Variants in MICAL1 observed in about 807,000 individuals in gnomAD.
The protein encoded by MICAL1 is [F-actin]-monooxygenase MICAL1.
In MICAL1, 95 loss-of-function variants were observed where a neutral mutation model predicts 131.8. The observed-to-expected ratio is 0.72, with a 90% CI of 0.61 to 0.86. The LOEUF is 0.86. MICAL1 is among the 40% of genes least tolerant of loss of function. The pLI is 0.00. For missense variants in MICAL1, 1,292 were observed against 1,380.6 expected (o/e 0.94, Z 1.02); for synonymous variants, 546 against 554.2 (o/e 0.99, Z 0.21).
At chr6:109,446,545 C>G (rs1317063561) in intron 18 of MICAL1, 133 bp from the exon 19 acceptor site, 6 of 1,381,760 alleles carry the variant, frequency 4.3e-6, no homozygotes, top group Non-Finnish European at 5.1e-6. Context: ...CTTGAGAGAA[C>G]AAGAAGTGTA....
At chr6:109,456,480 A>G (rs1775754243), upstream of MICAL1, among the ~76,000 whole-genome samples, 1 of 152,198 alleles carries the variant, frequency 6.6e-6, no homozygotes, top group African/African-American at 2.4e-5. Flanking sequence ...TGCAGCTTCC[A>G]AATGGATATG....
At chr6:109,448,689 A>G (rs368065315) in intron 12 of MICAL1, 43 bp downstream of exon 12, 5 of 1,611,372 alleles carry the variant, frequency 3.1e-6, no homozygotes, top group Non-Finnish European at 3.4e-6. Context: ...GCTAACTCCT[A>G]CACTGAGATC....
chr6:109,444,092 G>A lies in MICAL1; in HGVS notation c.*99C>T. ...GGCAGAAACATTTTAATTGTAAACAGCAAGGCTCTCTGCCAGGCAGCCCAG... is the reference window on the plus strand; with the variant it reads ...GGCAGAAACATTTTAATTGTAAACAACAAGGCTCTCTGCCAGGCAGCCCAG... On this transcript the variant is annotated 3_prime_UTR_variant, in exon 25 of 25. Coordinates refer to ENST00000358807, the MANE Select transcript of MICAL1 (RefSeq NM_022765.4). 1 of 1,515,614 alleles carries A rather than the reference G, an allele frequency of 6.6e-7. No individual in the cohort carries two copies. The highest frequency in any genetic ancestry group is 8.8e-7 in the Non-Finnish European group (1 of 1,135,288). The allele number at this position is 1,515,614 out of a possible 1,614,324, so 93.9% of individuals were successfully genotyped here. A position where few individuals can be genotyped will look rare whatever the true frequency, so the allele number is the denominator to read the frequency against.
In MICAL1 at chr6:109,449,461, C is replaced by A. The variant is rs1306560065; in HGVS notation, c.1455G>T (p.Val485=). Residue 485 remains valine (V), a synonymous_variant, in exon 11 of 25, where the codon GTG becomes GTT. Transcript: ENST00000358807. ...TPNQVRDLYD[V]LAKEPVQRNN... is the part of the protein sequence containing the mutation. Reference sequence around the variant, plus strand: ...TCCTCTGCACAGGCTCCTTGGCTAGCACATCATACAGGTCTCGTACCTAAG... The same window carrying A: ...TCCTCTGCACAGGCTCCTTGGCTAGAACATCATACAGGTCTCGTACCTAAG... 1 of 1,614,194 alleles carries A rather than the reference C, an allele frequency of 6.2e-7. No homozygotes were observed. The highest frequency in any genetic ancestry group is 1.7e-5 in the Admixed American group (1 of 60,024).
upstream of MICAL1, among the ~76,000 whole-genome samples, chr6:109,458,596 A>C (rs1347005842): frequency 6.6e-6 from 1 of 151,784 alleles, no homozygotes; most frequent in Non-Finnish European, 1.5e-5. Context: ...AACTCCGTCC[A>C]AAAAAAGAAA....
chr6:109,446,675 A>G (rs775466311), intron 18 of MICAL1, 21 bp downstream of exon 18: 2 of 1,610,664 alleles, frequency 1.2e-6, no homozygotes, highest in Non-Finnish European at 8.5e-7. Flanking sequence ...CCCAATATAC[A>G]TACACGCCTT....
upstream of MICAL1, among the ~76,000 whole-genome samples, chr6:109,459,412 A>G (rs1207856476): frequency 6.6e-6 from 1 of 152,098 alleles, no homozygotes; most frequent in Non-Finnish European, 1.5e-5. Flanking sequence ...AAGTGGATGG[A>G]GTCAAAAGAT....
At chr6:109,456,104 C>G, upstream of MICAL1, 1 of 831,220 alleles carries the variant, frequency 1.2e-6, no homozygotes, top group Non-Finnish European at 1.5e-6. Flanking sequence ...AGGGTCAGGG[C>G]GCCCAGTGCT....
chr6:109,448,802 C>CG lies in MICAL1; in HGVS notation c.1593dup (p.Asp532ArgfsTer8). ...CCATCAGCCCAGGAGGAAGACAAAT[C>CG]GGAGACGTGGACTCCCGGGTACCCA... On this transcript the variant is annotated frameshift_variant, in exon 12 of 25. Coordinates refer to ENST00000358807, the MANE Select transcript of MICAL1 (RefSeq NM_022765.4). LOFTEE classifies it high-confidence loss of function. The CG allele has an allele frequency of 6.2e-7, 1 of 1,614,068 alleles. No homozygotes were observed. Among genetic ancestry groups the CG allele is most frequent in the African/African-American group, 1.3e-5 (1 of 75,024 alleles).
chr6:109,453,981 G>A lies in MICAL1; in HGVS notation c.216C>T (p.Gly72=). Residue 72 remains glycine (G), a synonymous_variant, in exon 2 of 25, where the codon GGC becomes GGT. Coordinates refer to ENST00000358807, the MANE Select transcript of MICAL1 (RefSeq NM_022765.4). ...CCCGGCCCTGCTGGTAGACAGGCTG[G>A]CCTGCTCGCTTGTCCAGCTTGGTCC... ...SLWTKLDKRA[G]QPVYQQGRAC... is the part of the protein sequence containing the mutation. The A allele has an allele frequency of 6.2e-7, 1 of 1,614,044 alleles. No individual in the cohort carries two copies. The highest frequency in any genetic ancestry group is 1.1e-5 in the South Asian group (1 of 91,084).
In MICAL1 at chr6:109,444,840, G is replaced by C. The variant is rs376029458; in HGVS notation, c.2982-42C>G. 1.9e-6 allele frequency: 3 copies of C among 1,613,920 alleles called. No individual in the cohort carries two copies. In the African/African-American group the frequency reaches 4.0e-5, roughly 22 times the overall value. The stretch of plus-strand genomic sequence containing the variant: ...TTGTAGAAGCAGAGCTGTCTAAGGT[G>C]CCCAAGGGGCTGGAGCCTGGCCCAT... On this transcript the variant is annotated intron_variant, in intron 23 of 24. Transcript: ENST00000358807.
chr6:109,447,272 C>A, intron 16 of MICAL1, 43 bp from the exon 17 acceptor site: 1 of 1,613,918 alleles, frequency 6.2e-7, no homozygotes, highest in Non-Finnish European at 8.5e-7. Flanking sequence ...GAGCCAAGGC[C>A]AGCTCCAAAG....
Position 109,452,628 on chromosome 6 carries a change from G to C in MICAL1, c.572-13C>G. ...CGCCAGCCACTCCCTAGGGCAGGGG[G>C]TATGAGAGGCACAAAGGTGTAGAAG... On this transcript the variant is annotated splice_polypyrimidine_tract_variant and intron_variant, in intron 4 of 24. Coordinates refer to ENST00000358807, the MANE Select transcript of MICAL1 (RefSeq NM_022765.4). 2 of 1,606,170 alleles carry C rather than the reference G, an allele frequency of 1.2e-6. No individual in the cohort carries two copies. The highest frequency in any genetic ancestry group is 1.7e-6 in the Non-Finnish European group (2 of 1,175,190).
intron 9 of MICAL1, 93 bp from the exon 10 acceptor site, chr6:109,449,876 A>G (rs1775459904): frequency 5.7e-6 from 9 of 1,585,256 alleles, no homozygotes; most frequent in Non-Finnish European, 7.7e-6. Flanking sequence ...TCTTCTGCCT[A>G]TTCCTCCGTC....
In MICAL1 at chr6:109,448,359, C is replaced by T; in HGVS notation, c.1699G>A (p.Glu567Lys). 6.2e-7 allele frequency: 1 copy of T among 1,613,904 alleles called. No individual in the cohort carries two copies. Among genetic ancestry groups the T allele is most frequent in the Non-Finnish European group, 8.5e-7 (1 of 1,180,006 alleles). Residue 567 changes from glutamate (E) to lysine (K), a missense_variant, in exon 13 of 25, where the codon GAA becomes AAA. Coordinates refer to ENST00000358807, the MANE Select transcript of MICAL1 (RefSeq NM_022765.4). ...PSELQGLGAL[E>K]ATAWALKVAE... is the part of the protein sequence containing the mutation. ...ACCTTTAGTGCCCAAGCAGTTGCTT[C>T]CAGAGCTCCCAGCCCCTGCAGCTCT...
chr6:109,460,391 T>C (rs922773751), upstream of MICAL1, among the ~76,000 whole-genome samples: 2 of 143,530 alleles, frequency 1.4e-5, no homozygotes, highest in African/African-American at 5.3e-5. Flanking sequence ...ATCATGCCAC[T>C]GCACTTCAGC....
Position 109,455,686 on chromosome 6 carries a change from G to A in MICAL1, c.-44+33C>T. On this transcript the variant is annotated intron_variant, in intron 1 of 24. Transcript: ENST00000358807. The surrounding 1 kb of genome is among the most constrained non-coding windows in gnomAD (Gnocchi z 4.7). The stretch of plus-strand genomic sequence containing the variant: ...ACCCCACCTCACCCCACCCGGCCGC[G>A]GGGCTCGCAGCCGGCTCCGCTGGAC... 1.0e-6 allele frequency: 1 copy of A among 985,128 alleles called. No homozygotes were observed. Among genetic ancestry groups the A allele is most frequent in the Non-Finnish European group, 1.2e-6 (1 of 829,888 alleles). 61.0% of individuals were successfully genotyped at this position (985,128 alleles called of 1,614,324 possible). A position where few individuals can be genotyped will look rare whatever the true frequency, so the allele number is the denominator to read the frequency against.
At chr6:109,458,817 G>A (rs1270878963), upstream of MICAL1, among the ~76,000 whole-genome samples, 1 of 152,144 alleles carries the variant, frequency 6.6e-6, no homozygotes, top group African/African-American at 2.4e-5. Flanking sequence ...TGTACCTGCA[G>A]GCCAGTATCT....
At position 109,450,105 on chromosome 6, in the gene MICAL1, G is replaced by A. The variant is rs776425021; in HGVS notation, c.1192-20C>T. ...GAAGGGCTGCAGTGTCAGAGGAATAGGAAGCAGCTCAGGGAGAATCCAACA... is the reference window on the plus strand; with the variant it reads ...GAAGGGCTGCAGTGTCAGAGGAATAAGAAGCAGCTCAGGGAGAATCCAACA... On this transcript the variant is annotated intron_variant, in intron 8 of 24. Coordinates refer to ENST00000358807, the MANE Select transcript of MICAL1 (RefSeq NM_022765.4). 46 of 1,609,746 alleles carry A rather than the reference G, an allele frequency of 2.9e-5. No homozygotes were observed. Among genetic ancestry groups the A allele is most frequent in the Non-Finnish European group, 3.7e-5 (44 of 1,177,314 alleles).
Sources: gnomAD v4.1 joint callset for allele counts (sites outside exome capture counted in the v4.1 genomes callset) on GRCh38, gnomAD v4.1.1 for gene constraint, Gnocchi (gnomAD v3.1) non-coding constraint, MANE v1.5 for transcripts, NCBI Gene and HGNC (gene_info 2026-07-23, HGNC 2026-07-21) for gene names.